Variants in ZNF423 observed in about 807,000 individuals in gnomAD.
The protein encoded by ZNF423 is zinc finger protein 423, also known as Ebf-associated zinc finger protein.
Under a neutral mutation model 95.8 loss-of-function variants are expected in ZNF423, and 12 were observed. The observed-to-expected ratio is 0.13, with a 90% confidence interval of 0.08 to 0.20. The LOEUF (loss-of-function observed/expected upper bound fraction) is 0.20. Among genes scored for constraint, ZNF423 ranks in the 10% least tolerant of loss-of-function variants. ZNF423 has a pLI of 1.00. For missense variants in ZNF423, 1,316 were observed against 1,737.1 expected (o/e 0.76, Z 4.31); for synonymous variants, 749 against 711.9 (o/e 1.05, Z -0.83).
rs537024040 is a variant in ZNF423 at position 49,519,437 on chromosome 16, T to A, written c.3849+4187A>T. The stretch of plus-strand genomic sequence containing the variant: ...AAGTTCCTATCCCGCCCTCACCAAC[T>A]CTCAGCATTGTGAGTTTTTCATTTA... On this transcript the variant is annotated intron_variant, in intron 7 of 7. Transcript: ENST00000563137. Among the ~76,000 whole-genome samples the A allele has an allele frequency of 6.6e-5, 10 of 152,304 alleles. No homozygotes were observed. In the South Asian group the frequency reaches 2.1e-3, roughly 32 times the overall value.
At chr16:49,574,791 C>CTGCTGCCTGTG (rs1388901495) in intron 5 of ZNF423, among the ~76,000 whole-genome samples, 2 of 152,214 alleles carry the variant, frequency 1.3e-5, no homozygotes, top group Admixed American at 6.5e-5. Context: ...ACCAGGCCTT[C>CTGCTGCCTGTG]TGCTGCCTGT....
chr16:49,664,443 G>T (rs1165509418), intron 3 of ZNF423, among the ~76,000 whole-genome samples: 2 of 152,260 alleles, frequency 1.3e-5, no homozygotes, highest in Non-Finnish European at 1.5e-5. Flanking sequence ...TGTTGACCCA[G>T]TTGAGGGATC....
intron 3 of ZNF423, among the ~76,000 whole-genome samples, chr16:49,645,149 G>A (rs918886709): frequency 2.0e-5 from 3 of 152,112 alleles, no homozygotes; most frequent in African/African-American, 4.8e-5. Flanking sequence ...AATTGCCAAG[G>A]AGACCAGTTC....
At chr16:49,668,425 G>A (rs1274429157) in intron 3 of ZNF423, among the ~76,000 whole-genome samples, 2 of 152,162 alleles carry the variant, frequency 1.3e-5, no homozygotes, top group Non-Finnish European at 2.9e-5. Context: ...AGGTCCTCCT[G>A]GGATCTATTA....
At chr16:49,720,223 T>C (rs2032826667) in intron 3 of ZNF423, among the ~76,000 whole-genome samples, 1 of 152,190 alleles carries the variant, frequency 6.6e-6, no homozygotes, top group Non-Finnish European at 1.5e-5. Context: ...TTCCACAAGA[T>C]GCAAACAAAG....
intron 3 of ZNF423, among the ~76,000 whole-genome samples, chr16:49,725,483 A>G (rs114155373): frequency 0.015 from 2,214 of 152,310 alleles, 68 homozygotes; most frequent in African/African-American, 0.051. Context: ...CATTCAACAA[A>G]CATGTTGAAT....
chr16:49,679,725 C>T (rs1379463168), intron 3 of ZNF423, among the ~76,000 whole-genome samples: 1 of 152,230 alleles, frequency 6.6e-6, no homozygotes, highest in Non-Finnish European at 1.5e-5. Context: ...AGACAGGCTC[C>T]TGAGCAGAAA....
chr16:49,700,303 G>A (rs1190902636), intron 3 of ZNF423, among the ~76,000 whole-genome samples: 1 of 151,910 alleles, frequency 6.6e-6, no homozygotes, highest in Non-Finnish European at 1.5e-5. Flanking sequence ...CGGAACAAAG[G>A]TCTTCAGCTA....
chr16:49,494,032 A>C (rs773295898), intron 7 of ZNF423, among the ~76,000 whole-genome samples: 8 of 152,186 alleles, frequency 5.3e-5, no homozygotes, highest in Non-Finnish European at 1.0e-4. Flanking sequence ...ATCTCTGGAG[A>C]ATGAAGCAGC....
chr16:49,707,121 TG>T (rs2032377378), intron 3 of ZNF423, among the ~76,000 whole-genome samples: 1 of 152,102 alleles, frequency 6.6e-6, no homozygotes, highest in East Asian at 1.9e-4. Flanking sequence ...CCCCATGCCA[TG>T]CCCTCACCTC....
intron 5 of ZNF423, among the ~76,000 whole-genome samples, chr16:49,577,702 G>A (rs1970541505): frequency 1.3e-5 from 2 of 152,180 alleles, no homozygotes; most frequent in Admixed American, 1.3e-4. Context: ...CACAGGCAGT[G>A]CCGACCCTCC....
At chr16:49,857,652 TA>T (rs1403007057), upstream of ZNF423, 1 of 152,302 alleles carries the variant, frequency 6.6e-6, no homozygotes, top group Non-Finnish European at 1.5e-5. The surrounding 1 kb of genome is among the most constrained non-coding windows in gnomAD (Gnocchi z 6.2). Context: ...ACCACTGGGC[TA>T]ACCCCGTGCG....
chr16:49,501,387 A>G (rs2151660758), intron 7 of ZNF423, among the ~76,000 whole-genome samples: 1 of 152,346 alleles, frequency 6.6e-6, no homozygotes, highest in East Asian at 1.9e-4. Context: ...ATTTGTTTAA[A>G]ATATCAGCTT....
At chr16:49,822,848 A>G in intron 1 of ZNF423, 1 of 761,704 alleles carries the variant, frequency 1.3e-6, no homozygotes, top group Non-Finnish European at 2.0e-6. Context: ...TGAGGCTCAG[A>G]CTACTTAACG....
chr16:49,606,011 G>C (rs1971524924), intron 5 of ZNF423, among the ~76,000 whole-genome samples: 1 of 152,206 alleles, frequency 6.6e-6, no homozygotes, highest in Middle Eastern at 3.2e-3. Context: ...AATGCAACAG[G>C]GGCTGAGCAG....
intron 5 of ZNF423, among the ~76,000 whole-genome samples, chr16:49,527,948 C>T (rs575800578): frequency 1.3e-5 from 2 of 152,254 alleles, no homozygotes; most frequent in African/African-American, 4.8e-5. Context: ...ACACACACGA[C>T]TACTCCCTCA....
chr16:49,632,846 T>C (rs1972552308), intron 4 of ZNF423, among the ~76,000 whole-genome samples: 1 of 152,200 alleles, frequency 6.6e-6, no homozygotes, highest in Admixed American at 6.5e-5. Context: ...CCCAAGGCTT[T>C]GGAGGCTCTA....
chr16:49,833,990 T>A (rs1236207392), intron 1 of ZNF423, among the ~76,000 whole-genome samples: 1 of 152,168 alleles, frequency 6.6e-6, no homozygotes, highest in Non-Finnish European at 1.5e-5. Flanking sequence ...TGGCCTTGGC[T>A]TCGCACAGCC....
Position 49,525,507 on chromosome 16 carries a change from C to G in ZNF423, c.3602-13G>C. The G allele has an allele frequency of 6.2e-7, 1 of 1,613,880 alleles. No homozygotes were observed. The highest frequency in any genetic ancestry group is 2.2e-5 in the East Asian group (1 of 44,882). On this transcript the variant is annotated splice_polypyrimidine_tract_variant and intron_variant, in intron 5 of 7. Transcript: ENST00000563137. ...TTGATGCCTTCCTCTGCAAGGAAAA[C>G]CCGTGACCAGTCAGTGACCAGCATG...
Sources: gnomAD v4.1 joint callset for allele counts (sites outside exome capture counted in the v4.1 genomes callset) on GRCh38, gnomAD v4.1.1 for gene constraint, Gnocchi (gnomAD v3.1) non-coding constraint, MANE v1.5 for transcripts, NCBI Gene and HGNC (gene_info 2026-07-23, HGNC 2026-07-21) for gene names.